Variants in DUSP11 observed in about 807,000 individuals in gnomAD.
DUSP11 encodes RNA/RNP complex-1-interacting phosphatase.
In DUSP11, 27 loss-of-function variants were observed where a neutral mutation model predicts 41.4. The observed-to-expected ratio is 0.65, with a 90% CI of 0.48 to 0.90. The LOEUF (loss-of-function observed/expected upper bound fraction) is 0.90, where lower values mean the gene tolerates loss of function less well. Among genes scored for constraint, DUSP11 ranks in the 40% least tolerant of loss-of-function variants. DUSP11 has a pLI of 0.00. For synonymous variants in DUSP11, 188 were observed against 159.3 expected (o/e 1.18, Z -1.35); for missense variants, 465 against 461.1 (o/e 1.01, Z -0.08).
intron 1 of DUSP11, chr2:73,779,651 G>A (rs186838152): frequency 1.3e-4 from 88 of 689,180 alleles, no homozygotes; most frequent in Middle Eastern, 1.2e-3. Flanking sequence ...AAGAGCAATG[G>A]CCAGAACCTC....
intron 8 of DUSP11, 52 bp from the exon 9 acceptor site, chr2:73,762,911 TTTTA>T (rs1330275637): frequency 2.8e-6 from 2 of 714,856 alleles, no homozygotes; most frequent in Non-Finnish European, 2.0e-6. Flanking sequence ...ATACAATAAT[TTTTA>T]TTTATTTTAA....
At chr2:73,766,543 A>T (rs925810973) in exon 8 of DUSP11, 1 of 1,613,988 alleles carries the variant, frequency 6.2e-7, no homozygotes, top group African/African-American at 1.3e-5. Flanking sequence ...GTTGCATGAG[A>T]TGTGCTGAGT....
In DUSP11 at chr2:73,769,252, G is replaced by A. The variant is rs1471349840; in HGVS notation, c.635+13C>T. The A allele has an allele frequency of 6.8e-6, 11 of 1,610,046 alleles. No individual in the cohort carries two copies. Among genetic ancestry groups the A allele is most frequent in the African/African-American group, 6.7e-5 (5 of 74,788 alleles). On this transcript the variant is annotated intron_variant, in intron 5 of 8. Transcript: ENST00000272444. Reference sequence around the variant, plus strand: ...CAATTTAAAATGGTCTGCCTCTGGGGTTGGCAACTTACCTGCAAATGAGGT... The same window carrying A: ...CAATTTAAAATGGTCTGCCTCTGGGATTGGCAACTTACCTGCAAATGAGGT...
At chr2:73,767,123 T>C in intron 6 of DUSP11, 38 bp downstream of exon 6, 4 of 1,571,740 alleles carry the variant, frequency 2.5e-6, no homozygotes, top group Non-Finnish European at 3.5e-6. Flanking sequence ...CCTTTAACTT[T>C]AATAAAAGGG....
rs566651029 is a variant in DUSP11 at position 73,774,693 on chromosome 2, T to C, written c.450+220A>G. On this transcript the variant is annotated intron_variant, in intron 3 of 8. Coordinates refer to ENST00000272444, the Ensembl canonical transcript of DUSP11. ...ATGTTTTTAAGGTTCATCCATATTG[T>C]AGCACGTATTAAATCTATTCTTTTT... 9.2e-5 allele frequency among the ~76,000 whole-genome samples: 14 copies of C among 152,392 alleles called. 1 individual carries two copies. Among genetic ancestry groups the C allele is most frequent in the African/African-American group, 3.4e-4 (14 of 41,596 alleles).
At chr2:73,764,214 A>G (rs1672415516) in intron 8 of DUSP11, among the ~76,000 whole-genome samples, 1 of 152,220 alleles carries the variant, frequency 6.6e-6, no homozygotes, top group African/African-American at 2.4e-5. Flanking sequence ...AAAGGCTTAT[A>G]CCAATTTTCA....
rs1275012437 is a variant in DUSP11 at position 73,778,283 on chromosome 2, G to A, written c.318+18C>T. On this transcript the variant is annotated intron_variant, in intron 2 of 8. Coordinates refer to ENST00000272444, the Ensembl canonical transcript of DUSP11. Reference sequence around the variant, plus strand: ...GAACTCAGATGCCTGAAAGAATACTGAATTAACTTTTGCTTACCTTTTGCA... The same window carrying A: ...GAACTCAGATGCCTGAAAGAATACTAAATTAACTTTTGCTTACCTTTTGCA... The A allele has an allele frequency of 6.4e-7, 1 of 1,559,290 alleles. No homozygotes were observed. The highest frequency in any genetic ancestry group is 2.4e-5 in the East Asian group (1 of 41,896).
chr2:73,773,572 G>T, intron 4 of DUSP11: 1 of 449,478 alleles, frequency 2.2e-6, no homozygotes, highest in Non-Finnish European at 4.0e-6. Context: ...AGAAAGATGA[G>T]CCAGTTCAGT....
intron 4 of DUSP11, among the ~76,000 whole-genome samples, chr2:73,770,859 T>C (rs1672560411): frequency 6.6e-6 from 1 of 152,144 alleles, no homozygotes; most frequent in Admixed American, 6.6e-5. Context: ...CTCCTGCTCT[T>C]ACCCTCACTC....
chr2:73,762,954 T>C, intron 8 of DUSP11, 95 bp from the exon 9 acceptor site: 2 of 518,732 alleles, frequency 3.9e-6, no homozygotes, highest in Non-Finnish European at 5.6e-6. Flanking sequence ...TATTTTAAAT[T>C]TATAAATTTA....
At chr2:73,779,980 T>A (rs1558536543) in exon 1 of DUSP11, 6 of 1,614,076 alleles carry the variant, frequency 3.7e-6, no homozygotes, top group East Asian at 4.5e-5. Context: ...CTCATGTGGG[T>A]CCCAAGAAGC....
At chr2:73,764,721 C>T (rs1482030548) in intron 8 of DUSP11, among the ~76,000 whole-genome samples, 1 of 152,164 alleles carries the variant, frequency 6.6e-6, no homozygotes, top group Non-Finnish European at 1.5e-5. Context: ...AATCCCAGCA[C>T]TTTGGGAGGC....
intron 8 of DUSP11, among the ~76,000 whole-genome samples, chr2:73,763,237 G>T (rs542148849): frequency 6.6e-6 from 1 of 152,154 alleles, no homozygotes; most frequent in South Asian, 2.1e-4. Context: ...AGTCTGGCAG[G>T]GTTGACATAA....
intron 1 of DUSP11, among the ~76,000 whole-genome samples, chr2:73,779,006 C>A (rs919189807): frequency 6.6e-6 from 1 of 152,070 alleles, no homozygotes; most frequent in African/African-American, 2.4e-5. Context: ...AAAAAATTAG[C>A]CGGGTGTGGT....
chr2:73,776,424 A>AAG, intron 2 of DUSP11, among the ~76,000 whole-genome samples: 1 of 151,594 alleles, frequency 6.6e-6, no homozygotes, highest in East Asian at 1.9e-4. Flanking sequence ...AAAAAAAAAA[A>AAG]AAAAAAAATA....
intron 4 of DUSP11, among the ~76,000 whole-genome samples, chr2:73,771,605 T>G (rs1218424296): frequency 6.6e-6 from 1 of 150,996 alleles, no homozygotes; most frequent in African/African-American, 2.4e-5. Flanking sequence ...GCCATTCCCC[T>G]GCCTCAGCCT....
chr2:73,772,171 G>A (rs1672595796), intron 4 of DUSP11, among the ~76,000 whole-genome samples: 1 of 152,168 alleles, frequency 6.6e-6, no homozygotes, highest in African/African-American at 2.4e-5. Flanking sequence ...CTAGATAACT[G>A]TGAACTGCTA....
Position 73,775,998 on chromosome 2 carries a change from A to T in DUSP11, c.319-954T>A, listed in dbSNP as rs559057298. Among the ~76,000 whole-genome samples, 3 of 152,054 alleles carry T rather than the reference A, an allele frequency of 2.0e-5. No homozygotes were observed. In the South Asian group the frequency reaches 6.2e-4, roughly 32 times the overall value. ...AAATAAATATTTCTCACATGTCTAC[A>T]TATATGAAGGATGGCTTTCATTGCT... On this transcript the variant is annotated intron_variant, in intron 2 of 8. Transcript: ENST00000272444.
chr2:73,777,871 C>T (rs189658852), intron 2 of DUSP11, among the ~76,000 whole-genome samples: 3 of 152,122 alleles, frequency 2.0e-5, no homozygotes, highest in Non-Finnish European at 2.9e-5. Flanking sequence ...ATAATAATCA[C>T]CTTATCAACC....
Sources: allele counts gnomAD v4.1 joint callset (sites outside exome capture counted in the v4.1 genomes callset), GRCh38; gene constraint gnomAD v4.1.1; transcripts MANE v1.5; gene names NCBI Gene and HGNC (gene_info 2026-07-23, HGNC 2026-07-21).